WWOX: variants seen among roughly 807,000 people sequenced by gnomAD.
WWOX encodes the protein WW domain containing oxidoreductase.
In WWOX, 69 loss-of-function variants were observed where a neutral mutation model predicts 46.2. That is an observed-to-expected ratio of 1.49 (90% CI 1.23 to 1.82). The LOEUF (loss-of-function observed/expected upper bound fraction) is 1.82, where lower values mean the gene tolerates loss of function less well. Among genes scored for constraint, WWOX ranks in the 40% most tolerant of loss-of-function variants. The pLI is 0.00. For synonymous variants in WWOX, 359 were observed against 202.6 expected (o/e 1.77, Z -6.56); for missense variants, 919 against 542.6 (o/e 1.69, Z -6.89).
In WWOX at chr16:78,462,611, C is replaced by T. The variant is rs1215899909; in HGVS notation, c.1056+29859C>T. Reference sequence around the variant, plus strand: ...AAGTGGAACCGGGAGATCAGAGGTCCGTCTCCAAGTCGCCCTTAGCGGAGG... The same window carrying T: ...AAGTGGAACCGGGAGATCAGAGGTCTGTCTCCAAGTCGCCCTTAGCGGAGG... On this transcript the variant is annotated intron_variant, in intron 8 of 8. Transcript: ENST00000566780. 5.3e-5 allele frequency among the ~76,000 whole-genome samples: 8 copies of T among 152,154 alleles called. 1 individual carries two copies. The highest frequency in any genetic ancestry group is 4.8e-5 in the African/African-American group (2 of 41,426).
intron 8 of WWOX, among the ~76,000 whole-genome samples, chr16:78,774,651 G>A (rs1269822086): frequency 1.3e-5 from 2 of 152,082 alleles, no homozygotes; most frequent in African/African-American, 4.8e-5. Context: ...GGTGCTCCCA[G>A]GCTCCGGGCA....
At chr16:78,231,073 C>G (rs2037247496) in intron 5 of WWOX, among the ~76,000 whole-genome samples, 1 of 152,204 alleles carries the variant, frequency 6.6e-6, no homozygotes, top group African/African-American at 2.4e-5. Flanking sequence ...CGTGAACTGA[C>G]AACATTTATG....
Position 78,133,865 on chromosome 16 carries a change from A to G in WWOX, c.409+18711A>G, listed in dbSNP as rs547863204. Among the ~76,000 whole-genome samples the G allele has an allele frequency of 1.4e-4, 22 of 152,340 alleles. No individual in the cohort carries two copies. The East Asian group carries it at 4.0e-3, about 28-fold the overall frequency. On this transcript the variant is annotated intron_variant, in intron 4 of 8. Transcript: ENST00000566780. ...ACCTGCAAGGCTGAGCTGAGCTTGC[A>G]AGGGAAGAAAAATATTAGAGAGTTG...
At chr16:78,788,353 C>G (rs950877448) in intron 8 of WWOX, among the ~76,000 whole-genome samples, 2 of 152,316 alleles carry the variant, frequency 1.3e-5, no homozygotes, top group Non-Finnish European at 2.9e-5. Flanking sequence ...AACAGAATCT[C>G]TTTGTCTCCT....
intron 8 of WWOX, among the ~76,000 whole-genome samples, chr16:78,654,851 C>A (rs192264735): frequency 1.3e-5 from 2 of 151,510 alleles, no homozygotes; most frequent in African/African-American, 4.8e-5. Flanking sequence ...CGTAAGGTCC[C>A]GTCAATGCAG....
At chr16:78,709,297 G>A (rs138280857) in intron 8 of WWOX, among the ~76,000 whole-genome samples, 71 of 152,300 alleles carry the variant, frequency 4.7e-4, no homozygotes, top group Non-Finnish European at 8.2e-4. Context: ...TGGAAAACAA[G>A]ATTAACTCAT....
At chr16:78,620,112 A>G (rs2046140994) in intron 8 of WWOX, among the ~76,000 whole-genome samples, 1 of 152,180 alleles carries the variant, frequency 6.6e-6, no homozygotes, top group Admixed American at 6.5e-5. Context: ...TTTGGCACAC[A>G]GTTGATGAGG....
chr16:79,179,030 C>G (rs1049522918), intron 8 of WWOX, among the ~76,000 whole-genome samples: 3 of 152,242 alleles, frequency 2.0e-5, no homozygotes, highest in South Asian at 4.1e-4. Flanking sequence ...TGTGCTAAAC[C>G]TGGCCCTGCC....
At chr16:78,140,837 A>G (rs560707551) in intron 4 of WWOX, among the ~76,000 whole-genome samples, 2 of 152,312 alleles carry the variant, frequency 1.3e-5, no homozygotes, top group South Asian at 2.1e-4. Context: ...AATTAGACCA[A>G]TAGCAACTGT....
chr16:78,222,452 C>A (rs1427519140), intron 5 of WWOX, among the ~76,000 whole-genome samples: 1 of 151,896 alleles, frequency 6.6e-6, no homozygotes. Context: ...CATTTGCTCA[C>A]TGGGAGGAGA....
intron 8 of WWOX, among the ~76,000 whole-genome samples, chr16:78,802,591 G>A (rs2050919377): frequency 6.6e-6 from 1 of 152,018 alleles, no homozygotes; most frequent in South Asian, 2.1e-4. Context: ...ATAAATATTT[G>A]TGAATATAGT....
At chr16:79,132,852 T>A (rs1190107982) in intron 8 of WWOX, among the ~76,000 whole-genome samples, 1 of 152,208 alleles carries the variant, frequency 6.6e-6, no homozygotes, top group Non-Finnish European at 1.5e-5. Flanking sequence ...ACAGCTTTAA[T>A]TCTTTATCAC....
At chr16:78,326,716 A>G (rs1838478797) in intron 5 of WWOX, among the ~76,000 whole-genome samples, 1 of 152,052 alleles carries the variant, frequency 6.6e-6, no homozygotes, top group South Asian at 2.1e-4. Flanking sequence ...AGATTGCTGT[A>G]TTCTTGCCTG....
chr16:78,388,599 A>G (rs958118225), intron 6 of WWOX, among the ~76,000 whole-genome samples: 1 of 138,728 alleles, frequency 7.2e-6, no homozygotes, highest in Non-Finnish European at 1.5e-5. Context: ...GTGAGCCAAG[A>G]TGGCACCACT....
intron 8 of WWOX, among the ~76,000 whole-genome samples, chr16:78,472,579 C>CG (rs1567593191): frequency 6.6e-6 from 1 of 151,764 alleles, no homozygotes; most frequent in Non-Finnish European, 1.5e-5. Flanking sequence ...AAGGCCAAGG[C>CG]GGGTGGATCA....
chr16:78,967,773 G>A (rs1164665460), intron 8 of WWOX, among the ~76,000 whole-genome samples: 1 of 152,108 alleles, frequency 6.6e-6, no homozygotes, highest in South Asian at 2.1e-4. Context: ...GCAGAGGATG[G>A]CACAGAGTTC....
intron 8 of WWOX, among the ~76,000 whole-genome samples, chr16:78,477,524 A>G (rs1210332268): frequency 2.0e-5 from 3 of 152,204 alleles, no homozygotes; most frequent in East Asian, 1.9e-4. Context: ...TAAAGTGTTC[A>G]TGCCGCAATG....
chr16:78,820,946 C>A (rs1415952223), intron 8 of WWOX, among the ~76,000 whole-genome samples: 1 of 152,168 alleles, frequency 6.6e-6, no homozygotes, highest in East Asian at 1.9e-4. Flanking sequence ...GCTTTGTGTC[C>A]TTTCTGTCTC....
intron 8 of WWOX, among the ~76,000 whole-genome samples, chr16:78,996,834 G>A (rs772776416): frequency 3.9e-5 from 6 of 152,182 alleles, no homozygotes; most frequent in Non-Finnish European, 7.3e-5. Context: ...ATCGCTTGCA[G>A]AACATCTCCC....
Sources: allele counts gnomAD v4.1 joint callset (sites outside exome capture counted in the v4.1 genomes callset), GRCh38; gene constraint gnomAD v4.1.1; transcripts MANE v1.5; gene names NCBI Gene and HGNC (gene_info 2026-07-23, HGNC 2026-07-21).